FMNL2: variants seen among roughly 807,000 people sequenced by gnomAD.
The protein encoded by FMNL2 is formin like 2.
FMNL2 carries 51 observed loss-of-function variants against 130.2 expected under a neutral mutation model. The observed-to-expected ratio is 0.39, with a 90% CI of 0.31 to 0.49. The LOEUF is 0.49. Among genes scored for constraint, FMNL2 ranks in the 20% least tolerant of loss-of-function variants. FMNL2 has a pLI of 0.85. For missense variants in FMNL2, 977 were observed against 1,316.2 expected, an observed-to-expected ratio of 0.74 and a Z score of 3.99; for synonymous variants, 465 against 467.1, an observed-to-expected ratio of 1.00 and a Z score of 0.06.
intron 2 of FMNL2, among the ~76,000 whole-genome samples, chr2:152,523,269 T>C (rs564924065): frequency 6.6e-6 from 1 of 152,320 alleles, no homozygotes; most frequent in East Asian, 1.9e-4. Flanking sequence ...TGGTGAATCA[T>C]GGAACTGGTC....
intron 1 of FMNL2, among the ~76,000 whole-genome samples, chr2:152,342,871 G>C (rs961605136): frequency 1.3e-5 from 2 of 152,126 alleles, no homozygotes; most frequent in African/African-American, 4.8e-5. Flanking sequence ...CTATTTACCA[G>C]GTATGATGGT....
intron 15 of FMNL2, chr2:152,625,229 A>G: frequency 2.1e-6 from 1 of 483,994 alleles, no homozygotes; most frequent in East Asian, 2.9e-5. Flanking sequence ...CTTTTAATAC[A>G]ATGATGTGTT....
At chr2:152,645,364 T>A in intron 25 of FMNL2, 1 of 828,446 alleles carries the variant, frequency 1.2e-6, no homozygotes, top group East Asian at 6.3e-5. Context: ...AGCACTAAGT[T>A]GAGTTGCTTT....
intron 1 of FMNL2, among the ~76,000 whole-genome samples, chr2:152,377,466 A>G (rs1028098194): frequency 3.9e-5 from 6 of 152,242 alleles, no homozygotes; most frequent in African/African-American, 1.2e-4. Flanking sequence ...TTCCTGTTCA[A>G]TATGGTAGCA....
intron 1 of FMNL2, among the ~76,000 whole-genome samples, chr2:152,414,529 A>G (rs1157182440): frequency 6.6e-6 from 1 of 152,154 alleles, no homozygotes; most frequent in East Asian, 1.9e-4. Context: ...CTGGTTTCCC[A>G]TTGAGGCTGA....
chr2:152,402,298 G>C (rs1454991590), intron 1 of FMNL2, among the ~76,000 whole-genome samples: 1 of 152,222 alleles, frequency 6.6e-6, no homozygotes, highest in Non-Finnish European at 1.5e-5. Flanking sequence ...CTCTAAGTCA[G>C]AGGGCGGAGT....
At chr2:152,409,015 G>C (rs73012774) in intron 1 of FMNL2, among the ~76,000 whole-genome samples, 21,681 of 152,128 alleles carry the variant, frequency 0.14, 1,640 homozygotes, top group Middle Eastern at 0.28. Context: ...GAAGTTTCCT[G>C]GTTAAGAGGG....
chr2:152,629,671 A>G lies in FMNL2; in HGVS notation c.2416A>G (p.Ile806Val). The G allele has an allele frequency of 6.2e-7, 1 of 1,600,504 alleles. No individual in the cohort carries two copies. Among genetic ancestry groups the G allele is most frequent in the Non-Finnish European group, 8.5e-7 (1 of 1,172,836 alleles). ...QMLTPQLHAI[I>V]AASVSIKSSQ... ...TGGAATCTAGCAACTACATGCGATT[A>G]TAGCAGCATCTGTCTCTATAAAGTC... Residue 806 changes from isoleucine (I) to valine (V), a missense_variant, in exon 19 of 26, where the codon ATA becomes GTA. Transcript: ENST00000288670.
Position 152,647,930 on chromosome 2 carries a change from C to T in FMNL2, c.*25C>T, listed in dbSNP as rs1446551182. ...AACCTGAGACTGGCCTGCATGAATA[C>T]AGGGTGTGCGTGAATGAAACTGCCC... On this transcript the variant is annotated 3_prime_UTR_variant, in exon 26 of 26. Transcript: ENST00000288670. The T allele has an allele frequency of 6.3e-7, 1 of 1,582,662 alleles. No individual in the cohort carries two copies. Among genetic ancestry groups the T allele is most frequent in the Non-Finnish European group, 8.6e-7 (1 of 1,158,582 alleles).
intron 9 of FMNL2, among the ~76,000 whole-genome samples, chr2:152,592,221 A>G (rs905665298): frequency 1.3e-5 from 2 of 152,268 alleles, no homozygotes; most frequent in East Asian, 1.9e-4. Flanking sequence ...TAAGGTCAAC[A>G]CTAGGAGGAC....
intron 9 of FMNL2, among the ~76,000 whole-genome samples, chr2:152,596,243 A>G (rs1697767562): frequency 6.6e-6 from 1 of 152,046 alleles, no homozygotes; most frequent in Non-Finnish European, 1.5e-5. Context: ...AATTACAGGC[A>G]TGAGCCACTG....
chr2:152,534,913 A>G (rs1398023584), intron 2 of FMNL2, among the ~76,000 whole-genome samples: 2 of 152,198 alleles, frequency 1.3e-5, no homozygotes, highest in Non-Finnish European at 2.9e-5. Context: ...TTCCTCTTCA[A>G]CTAGCAAAAT....
At chr2:152,601,672 T>C (rs7421103) in intron 9 of FMNL2, among the ~76,000 whole-genome samples, 3,774 of 122,794 alleles carry the variant, frequency 0.031, 215 homozygotes, top group East Asian at 0.099. Context: ...CTTTTCTTTC[T>C]TTTTTTTTTT....
chr2:152,585,883 A>G (rs1697042028), intron 9 of FMNL2, among the ~76,000 whole-genome samples: 2 of 151,494 alleles, frequency 1.3e-5, no homozygotes, highest in South Asian at 4.2e-4. Flanking sequence ...TATTTGAGAA[A>G]ATGGCTTGCT....
chr2:152,605,307 C>CGT (rs376630272), intron 9 of FMNL2, among the ~76,000 whole-genome samples: 2 of 148,160 alleles, frequency 1.3e-5, no homozygotes, highest in Admixed American at 6.6e-5. Flanking sequence ...TGTGCGTGTG[C>CGT]GTGTGTGTGT....
At chr2:152,526,552 C>G (rs1693396272) in intron 2 of FMNL2, among the ~76,000 whole-genome samples, 2 of 152,146 alleles carry the variant, frequency 1.3e-5, no homozygotes, top group Admixed American at 1.3e-4. Flanking sequence ...CTTCTCCTCC[C>G]TTCCTTCTAT....
chr2:152,466,807 A>G (rs776076387), intron 1 of FMNL2, among the ~76,000 whole-genome samples: 6 of 152,152 alleles, frequency 3.9e-5, no homozygotes, highest in South Asian at 2.1e-4. Context: ...CTAGATCCAA[A>G]GAAACATGGC....
At chr2:152,559,389 T>G (rs184835007) in intron 5 of FMNL2, among the ~76,000 whole-genome samples, 4 of 152,254 alleles carry the variant, frequency 2.6e-5, no homozygotes, top group Non-Finnish European at 5.9e-5. Flanking sequence ...CTCGGCTCAC[T>G]GCAACCTCTG....
At chr2:152,424,690 G>A (rs994838723) in intron 1 of FMNL2, among the ~76,000 whole-genome samples, 2 of 152,008 alleles carry the variant, frequency 1.3e-5, no homozygotes, top group Non-Finnish European at 2.9e-5. Context: ...CTCCTAGCCC[G>A]GGCCTACCAT....
Sources: allele counts gnomAD v4.1 joint callset (sites outside exome capture counted in the v4.1 genomes callset), GRCh38; gene constraint gnomAD v4.1.1; transcripts MANE v1.5; gene names NCBI Gene and HGNC (gene_info 2026-07-23, HGNC 2026-07-21).